The following SH3GL2 variants were observed in gnomAD, a reference collection of about 807,000 sequenced individuals.
SH3GL2 encodes SH3 domain containing GRB2 like 2, endophilin A1, also known as endophilin-A1.
SH3GL2 carries 24 observed loss-of-function variants against 46.0 expected under a neutral mutation model. That is an observed-to-expected ratio of 0.52 (90% CI 0.38 to 0.73). SH3GL2 has a LOEUF of 0.73. SH3GL2 is among the 30% of genes least tolerant of loss of function. The pLI is 0.00. For missense variants in SH3GL2, 413 were observed against 424.2 expected (o/e 0.97, Z 0.23); for synonymous variants, 196 against 147.1 (o/e 1.33, Z -2.40).
In SH3GL2 at chr9:17,765,183, T is replaced by C. The variant is rs1481273519; in HGVS notation, c.187+3674T>C. On this transcript the variant is annotated intron_variant, in intron 3 of 8. Coordinates refer to ENST00000380607, the MANE Select transcript of SH3GL2 (RefSeq NM_003026.5). ...CAGGGCAATCAGTAGGATTTGATGC[T>C]TCGAGGGTACTTTGGGAGTACATCT... Among the ~76,000 whole-genome samples, 9 of 79,646 alleles carry C rather than the reference T, an allele frequency of 1.1e-4. No homozygotes were observed. The Admixed American group carries it at 1.2e-3, about 10-fold the overall frequency. 52.3% of individuals were successfully genotyped at this position (79,646 alleles called of 152,430 possible).
At chr9:17,579,472 G>T (rs1489060593) in intron 1 of SH3GL2, among the ~76,000 whole-genome samples, 185 bp downstream of exon 1, 1 of 151,906 alleles carries the variant, frequency 6.6e-6, no homozygotes, top group African/African-American at 2.4e-5. Context: ...TCCACCCTCG[G>T]TCCCCCGCCC....
chr9:17,739,684 C>G (rs184456007), intron 1 of SH3GL2, among the ~76,000 whole-genome samples: 1 of 152,230 alleles, frequency 6.6e-6, no homozygotes, highest in East Asian at 1.9e-4. Context: ...AACAGGAAAC[C>G]TTGCAAACGA....
rs1345111587 is a variant in SH3GL2 at position 17,791,265 on chromosome 9, A to T, written c.659A>T (p.Gln220Leu). 6.2e-7 allele frequency: 1 copy of T among 1,613,752 alleles called. No homozygotes were observed. Residue 220 changes from glutamine (Q) to leucine (L), a missense_variant, in exon 7 of 9, where the codon CAA becomes CTA. Transcript: ENST00000380607. The part of the protein sequence containing the change: ...EQVSQLSALV[Q>L]AQLEYHKQAV... ...GTGAGCCAGCTCTCTGCACTTGTGCAAGCTCAGCTGGAGTACCACAAGCAG... is the reference window on the plus strand; with the variant it reads ...GTGAGCCAGCTCTCTGCACTTGTGCTAGCTCAGCTGGAGTACCACAAGCAG...
At chr9:17,749,022 A>G (rs1822770831) in intron 2 of SH3GL2, among the ~76,000 whole-genome samples, 1 of 152,228 alleles carries the variant, frequency 6.6e-6, no homozygotes, top group Non-Finnish European at 1.5e-5. Context: ...TTCTTGAGAT[A>G]GACCTCACTG....
chr9:17,762,844 T>G (rs916982582), intron 3 of SH3GL2, among the ~76,000 whole-genome samples: 1 of 152,206 alleles, frequency 6.6e-6, no homozygotes, highest in African/African-American at 2.4e-5. Context: ...CCTTACTGTT[T>G]AAACCACTGT....
intron 1 of SH3GL2, among the ~76,000 whole-genome samples, chr9:17,698,067 A>G (rs1424314589): frequency 1.3e-5 from 2 of 152,164 alleles, no homozygotes; most frequent in Non-Finnish European, 1.5e-5. Flanking sequence ...CTTACATATA[A>G]TTGCCTGGGT....
intron 1 of SH3GL2, among the ~76,000 whole-genome samples, chr9:17,685,812 T>A (rs1420876681): frequency 1.3e-5 from 2 of 152,244 alleles, no homozygotes; most frequent in Admixed American, 6.5e-5. Context: ...TCTATATCTC[T>A]GTTTTGGTAC....
intron 1 of SH3GL2, among the ~76,000 whole-genome samples, chr9:17,722,792 G>T (rs1821927879): frequency 6.6e-6 from 1 of 152,048 alleles, no homozygotes; most frequent in African/African-American, 2.4e-5. Flanking sequence ...TCTTCTGTCA[G>T]TAATTTATGT....
chr9:17,693,728 G>A (rs1235944034), intron 1 of SH3GL2, among the ~76,000 whole-genome samples: 1 of 152,158 alleles, frequency 6.6e-6, no homozygotes, highest in Non-Finnish European at 1.5e-5. Context: ...AAGAACTCCA[G>A]TTCTCTGCTG....
chr9:17,579,733 T>C (rs1453240540), intron 1 of SH3GL2, among the ~76,000 whole-genome samples: 1 of 151,978 alleles, frequency 6.6e-6, no homozygotes, highest in Non-Finnish European at 1.5e-5. Context: ...GCACTGGGGG[T>C]GGCGGGGCGG....
intron 3 of SH3GL2, among the ~76,000 whole-genome samples, chr9:17,772,401 T>C (rs1326778217): frequency 6.6e-6 from 1 of 152,182 alleles, no homozygotes; most frequent in African/African-American, 2.4e-5. Flanking sequence ...TGGTATTAAA[T>C]ACATTCATAA....
chr9:17,677,674 C>A (rs183439874), intron 1 of SH3GL2, among the ~76,000 whole-genome samples: 3,716 of 151,792 alleles, frequency 0.024, 63 homozygotes, highest in South Asian at 0.031. Context: ...TACATGTGCA[C>A]AACGTGCAGG....
Position 17,579,100 on chromosome 9 carries a change from C to A in SH3GL2, c.-143C>A. The A allele has an allele frequency of 1.9e-6, 1 of 513,210 alleles. No homozygotes were observed. Among genetic ancestry groups the A allele is most frequent in the Non-Finnish European group, 3.3e-6 (1 of 302,474 alleles). 31.8% of individuals were successfully genotyped at this position (513,210 alleles called of 1,614,324 possible). ...TTTCTCCGCAAGAGCCCGTGTCCCGCTAGGCTCCGCGCCCTCGCGCCCATA... is the reference window on the plus strand; with the variant it reads ...TTTCTCCGCAAGAGCCCGTGTCCCGATAGGCTCCGCGCCCTCGCGCCCATA... On this transcript the variant is annotated 5_prime_UTR_variant, in exon 1 of 9. Coordinates refer to ENST00000380607, the MANE Select transcript of SH3GL2 (RefSeq NM_003026.5).
At chr9:17,737,710 C>T (rs1055569874) in intron 1 of SH3GL2, among the ~76,000 whole-genome samples, 2 of 152,076 alleles carry the variant, frequency 1.3e-5, no homozygotes, top group Non-Finnish European at 2.9e-5. Flanking sequence ...TTCGTTGGTT[C>T]TTTCCCTGCC....
intron 2 of SH3GL2, among the ~76,000 whole-genome samples, chr9:17,755,340 T>C (rs1033435401): frequency 6.6e-6 from 1 of 152,258 alleles, no homozygotes; most frequent in African/African-American, 2.4e-5. Context: ...TAAAGCCTAC[T>C]TGATAATGGT....
intron 1 of SH3GL2, among the ~76,000 whole-genome samples, chr9:17,641,903 G>A (rs934570496): frequency 2.6e-5 from 4 of 152,156 alleles, no homozygotes; most frequent in African/African-American, 4.8e-5. Flanking sequence ...ATAAACATAC[G>A]TGTGCATGTG....
At chr9:17,731,457 C>CAGAG (rs372121624) in intron 1 of SH3GL2, among the ~76,000 whole-genome samples, 7 of 149,202 alleles carry the variant, frequency 4.7e-5, no homozygotes, top group Non-Finnish European at 1.0e-4. Flanking sequence ...GAGAGACAGA[C>CAGAG]AGAGAGAGAG....
intron 3 of SH3GL2, among the ~76,000 whole-genome samples, chr9:17,782,689 C>T (rs985545232): frequency 3.9e-5 from 6 of 151,900 alleles, no homozygotes; most frequent in African/African-American, 9.7e-5. Flanking sequence ...GCACAGTGGG[C>T]GGTCATGGTA....
chr9:17,795,229 G>A (rs996652460), intron 8 of SH3GL2, among the ~76,000 whole-genome samples: 1 of 152,112 alleles, frequency 6.6e-6, no homozygotes, highest in Non-Finnish European at 1.5e-5. Context: ...GCATTATCAC[G>A]AAGGCAAACT....
Sources: allele counts gnomAD v4.1 joint callset (sites outside exome capture counted in the v4.1 genomes callset), GRCh38; gene constraint gnomAD v4.1.1; transcripts MANE v1.5; gene names NCBI Gene and HGNC (gene_info 2026-07-23, HGNC 2026-07-21).